Variants in PATJ observed in about 807,000 individuals in gnomAD.
The protein encoded by PATJ is inaD-like protein.
Under a neutral mutation model 224.9 loss-of-function variants are expected in PATJ, and 190 were observed. That is an observed-to-expected ratio of 0.84 (90% CI 0.75 to 0.95). PATJ has a LOEUF of 0.95. PATJ is among the 40% of genes least tolerant of loss of function. PATJ has a pLI of 0.00. For missense variants in PATJ, 2,121 were observed against 2,270.3 expected (o/e 0.93, Z 1.34); for synonymous variants, 769 against 820.3 (o/e 0.94, Z 1.07).
chr1:62,124,371 C>T (rs946609109), intron 39 of PATJ, among the ~76,000 whole-genome samples: 1 of 152,196 alleles, frequency 6.6e-6, no homozygotes, highest in Non-Finnish European at 1.5e-5. Flanking sequence ...GCATGAGCCA[C>T]CAGGCCCGGC....
At chr1:61,846,658 G>A (rs1662006717) in intron 17 of PATJ, among the ~76,000 whole-genome samples, 1 of 152,272 alleles carries the variant, frequency 6.6e-6, no homozygotes, top group African/African-American at 2.4e-5. Flanking sequence ...GTACAGTGGT[G>A]CTATCTCGGC....
At chr1:61,817,208 A>C (rs906365865) in intron 14 of PATJ, among the ~76,000 whole-genome samples, 12 of 152,230 alleles carry the variant, frequency 7.9e-5, no homozygotes, top group Admixed American at 5.9e-4. Context: ...AGTATCAAAA[A>C]TTCAGATATA....
chr1:62,113,024 T>C (rs1232489104), intron 34 of PATJ, among the ~76,000 whole-genome samples: 1 of 152,024 alleles, frequency 6.6e-6, no homozygotes, highest in Non-Finnish European at 1.5e-5. Flanking sequence ...TTTCAGAGAG[T>C]TAGTATAAGG....
intron 41 of PATJ, among the ~76,000 whole-genome samples, chr1:62,132,011 G>A (rs1280490755): frequency 6.6e-6 from 1 of 151,962 alleles, no homozygotes; most frequent in Non-Finnish European, 1.5e-5. Flanking sequence ...ACCATACCTG[G>A]CTAATTTTAT....
chr1:61,864,652 T>C lies in PATJ; in HGVS notation c.2835+19T>C. 6.4e-7 allele frequency: 1 copy of C among 1,566,278 alleles called. No homozygotes were observed. Among genetic ancestry groups the C allele is most frequent in the Non-Finnish European group, 8.7e-7 (1 of 1,155,342 alleles). On this transcript the variant is annotated intron_variant, in intron 20 of 43. Coordinates refer to ENST00000642238, the MANE Select transcript of PATJ (RefSeq NM_001350145.3). ...AAATGTGGTAAGAGATTAGAATAGATATTCCACACCTCCCCTTCTGCTCTC... is the reference window on the plus strand; with the variant it reads ...AAATGTGGTAAGAGATTAGAATAGACATTCCACACCTCCCCTTCTGCTCTC...
At chr1:62,141,504 A>G (rs1667491997) in intron 41 of PATJ, among the ~76,000 whole-genome samples, 1 of 151,760 alleles carries the variant, frequency 6.6e-6, no homozygotes, top group Non-Finnish European at 1.5e-5. Flanking sequence ...GTAAAACCCC[A>G]TCTGTACTAA....
At chr1:61,766,699 A>G (rs1435130402) in intron 4 of PATJ, among the ~76,000 whole-genome samples, 1 of 152,104 alleles carries the variant, frequency 6.6e-6, no homozygotes, top group Non-Finnish European at 1.5e-5. Flanking sequence ...TGGTAAGGAG[A>G]GCTTTTTAAA....
At chr1:61,862,265 C>T (rs139068619) in intron 19 of PATJ, among the ~76,000 whole-genome samples, 2,935 of 150,570 alleles carry the variant, frequency 0.019, 112 homozygotes, top group African/African-American at 0.067. Context: ...GGTGTGATCT[C>T]GGCTCACTGC....
chr1:62,056,187 A>G (rs750371415), intron 31 of PATJ, among the ~76,000 whole-genome samples: 1 of 152,130 alleles, frequency 6.6e-6, no homozygotes, highest in Non-Finnish European at 1.5e-5. Flanking sequence ...ACACACCCAG[A>G]AATAGTGTTT....
chr1:61,812,429 A>AGAGAGT (rs1557688148), intron 14 of PATJ, among the ~76,000 whole-genome samples: 6 of 111,376 alleles, frequency 5.4e-5, no homozygotes, highest in Non-Finnish European at 1.2e-4. Flanking sequence ...AGAGAGAGAG[A>AGAGAGT]GAGAGTGTGT....
intron 14 of PATJ, among the ~76,000 whole-genome samples, chr1:61,809,387 CTTTTT>C (rs747444674): frequency 1.5e-5 from 2 of 137,916 alleles, no homozygotes. Context: ...AATGTATTTT[CTTTTT>C]TTTTTTTTTT....
intron 30 of PATJ, among the ~76,000 whole-genome samples, chr1:62,050,653 C>T (rs1455611675): frequency 6.6e-6 from 1 of 152,160 alleles, no homozygotes; most frequent in Non-Finnish European, 1.5e-5. Flanking sequence ...AAAATCTATT[C>T]CTGATCTGCC....
chr1:61,857,546 T>C (rs1319714418), intron 18 of PATJ, among the ~76,000 whole-genome samples: 1 of 152,236 alleles, frequency 6.6e-6, no homozygotes, highest in Non-Finnish European at 1.5e-5. Context: ...CTGAAACAGA[T>C]AGCTTGGTTG....
At chr1:61,803,211 CTCTATTATAAATGCTACA>C (rs1317724299) in intron 12 of PATJ, among the ~76,000 whole-genome samples, 3 of 152,074 alleles carry the variant, frequency 2.0e-5, no homozygotes, top group African/African-American at 7.2e-5. Flanking sequence ...AACAATACTC[CTCTATTATAAATGCTACA>C]TGACCTTTTA....
chr1:62,051,112 A>C (rs1173307258), intron 31 of PATJ, 54 bp downstream of exon 31: 22 of 1,314,420 alleles, frequency 1.7e-5, no homozygotes, highest in Non-Finnish European at 2.3e-5. Flanking sequence ...TGTATCACTT[A>C]TATTTTGTAC....
chr1:62,037,436 A>G (rs928857879), intron 29 of PATJ, among the ~76,000 whole-genome samples: 1 of 152,034 alleles, frequency 6.6e-6, no homozygotes, highest in African/African-American at 2.4e-5. Context: ...CCCACAAAGC[A>G]TTGTCTGTCT....
chr1:62,122,553 G>A (rs547485285), intron 38 of PATJ, among the ~76,000 whole-genome samples: 2 of 151,970 alleles, frequency 1.3e-5, no homozygotes, highest in Non-Finnish European at 2.9e-5. Context: ...GGCCGGGCAC[G>A]GTGGCTCACG....
In PATJ at chr1:61,885,747, A is replaced by G. The variant is rs1298148509; in HGVS notation, c.3131+1339A>G. ...GCACACATATGTTTATTGTGGCACT[A>G]TTCACAATAGCAAAGACTTGGAACC... On this transcript the variant is annotated intron_variant, in intron 22 of 43. Transcript: ENST00000642238. Among the ~76,000 whole-genome samples the G allele has an allele frequency of 2.0e-5, 3 of 152,114 alleles. No individual in the cohort carries two copies. The South Asian group carries it at 6.3e-4, about 32-fold the overall frequency.
chr1:61,997,999 A>AAATAT (rs1553236187), intron 28 of PATJ, among the ~76,000 whole-genome samples: 1 of 99,040 alleles, frequency 1.0e-5, no homozygotes, highest in Non-Finnish European at 1.8e-5. Flanking sequence ...TGTATATATA[A>AAATAT]TATATTATAT....
Sources: gnomAD v4.1 joint callset for allele counts (sites outside exome capture counted in the v4.1 genomes callset) on GRCh38, gnomAD v4.1.1 for gene constraint, MANE v1.5 for transcripts, NCBI Gene and HGNC (gene_info 2026-07-23, HGNC 2026-07-21) for gene names.